PPP1R14C: variants seen among roughly 807,000 people sequenced by gnomAD.
PPP1R14C encodes the protein protein phosphatase 1 regulatory inhibitor subunit 14C.
PPP1R14C carries 16 observed loss-of-function variants against 20.4 expected under a neutral mutation model. The ratio of observed to expected loss-of-function variants is 0.78; its 90% CI spans 0.53 to 1.19. The LOEUF is 1.19. Ranked by LOEUF, PPP1R14C falls within the 50% of genes most tolerant of loss-of-function variation. The probability of loss-of-function intolerance (pLI) is 0.00; values close to 1 mark genes in which losing one functional copy is unlikely to be tolerated. For missense variants in PPP1R14C, 211 were observed against 220.1 expected (o/e 0.96, Z 0.26); for synonymous variants, 91 against 91.0 (o/e 1.00, Z 0.00).
intron 3 of PPP1R14C, among the ~76,000 whole-genome samples, chr6:150,229,678 G>A (rs904211785): frequency 6.6e-6 from 1 of 152,150 alleles, no homozygotes; most frequent in Non-Finnish European, 1.5e-5. Context: ...GTGGTTTTAA[G>A]TTAAAGGAGG....
intron 3 of PPP1R14C, among the ~76,000 whole-genome samples, chr6:150,235,153 T>C (rs1778343827): frequency 6.6e-6 from 1 of 152,208 alleles, no homozygotes; most frequent in African/African-American, 2.4e-5. Context: ...AGGAGCACGA[T>C]CATAGCTCAC....
intron 3 of PPP1R14C, among the ~76,000 whole-genome samples, chr6:150,224,009 C>T (rs1778200816): frequency 1.3e-5 from 2 of 152,158 alleles, no homozygotes; most frequent in Non-Finnish European, 2.9e-5. Context: ...ATGTGCGATC[C>T]ATTTGAGTTA....
chr6:150,235,945 G>T (rs1431056024), intron 3 of PPP1R14C, among the ~76,000 whole-genome samples: 2 of 152,126 alleles, frequency 1.3e-5, no homozygotes, highest in Non-Finnish European at 2.9e-5. Context: ...AAGGATTGTT[G>T]TGTTTATCAT....
At position 150,217,777 on chromosome 6, in the gene PPP1R14C, T is replaced by C. The variant is rs547712801; in HGVS notation, c.423+921T>C. The stretch of plus-strand genomic sequence containing the variant: ...TGGAGAAATTATAAGATCCGTCAGA[T>C]GTTTTGAAGTCTGTTTGTAACATCA... On this transcript the variant is annotated intron_variant, in intron 3 of 3. Coordinates refer to ENST00000361131, the MANE Select transcript of PPP1R14C (RefSeq NM_030949.3). Among the ~76,000 whole-genome samples, 7 of 152,304 alleles carry C rather than the reference T, an allele frequency of 4.6e-5. No homozygotes were observed. In the South Asian group the frequency reaches 1.5e-3, roughly 32 times the overall value.
chr6:150,201,413 G>C lies in PPP1R14C; in HGVS notation c.307-13331G>C, dbSNP rs1438982577. On this transcript the variant is annotated intron_variant, in intron 1 of 3. Transcript: ENST00000361131. The surrounding 1 kb of genome is among the most constrained non-coding windows in gnomAD (Gnocchi z 4.2). The stretch of plus-strand genomic sequence containing the variant: ...GATGGCTGACACGAGATAACAAGAA[G>C]AGTGTCCTACACATGCACCCAGCAC... 6.6e-6 allele frequency among the ~76,000 whole-genome samples: 1 copy of C among 152,220 alleles called. No individual in the cohort carries two copies. Among genetic ancestry groups the C allele is most frequent in the African/African-American group, 2.4e-5 (1 of 41,456 alleles).
intron 3 of PPP1R14C, among the ~76,000 whole-genome samples, chr6:150,229,326 G>A (rs1031401790): frequency 9.9e-5 from 15 of 152,110 alleles, no homozygotes; most frequent in Non-Finnish European, 1.8e-4. Context: ...TTTTAAAGTC[G>A]GAGATTATAA....
intron 1 of PPP1R14C, among the ~76,000 whole-genome samples, chr6:150,199,783 C>T (rs569312491): frequency 2.3e-4 from 35 of 151,700 alleles, no homozygotes; most frequent in African/African-American, 6.0e-4. Flanking sequence ...GCAGGAGGAT[C>T]GCTGGAGCCC....
intron 3 of PPP1R14C, among the ~76,000 whole-genome samples, chr6:150,246,602 T>C (rs1778495641): frequency 6.6e-6 from 1 of 152,238 alleles, no homozygotes; most frequent in Non-Finnish European, 1.5e-5. Flanking sequence ...CTGTACAAGT[T>C]CAGAAATGGT....
intron 3 of PPP1R14C, among the ~76,000 whole-genome samples, chr6:150,233,480 A>G (rs1325785050): frequency 6.6e-6 from 1 of 152,234 alleles, no homozygotes; most frequent in Non-Finnish European, 1.5e-5. Context: ...ATTGAAATAA[A>G]TGTGAGCTAT....
intron 1 of PPP1R14C, among the ~76,000 whole-genome samples, chr6:150,165,470 C>T (rs980090083): frequency 6.6e-6 from 1 of 152,220 alleles, no homozygotes; most frequent in Admixed American, 6.5e-5. Context: ...TGGTTGACCT[C>T]AGGTTGTCCA....
intron 1 of PPP1R14C, among the ~76,000 whole-genome samples, chr6:150,205,151 G>T (rs571967316): frequency 6.2e-4 from 95 of 152,196 alleles, no homozygotes; most frequent in African/African-American, 2.2e-3. Flanking sequence ...AACTTCCCTG[G>T]TGGGTGGGAA....
chr6:150,193,543 A>T (rs1777769587), intron 1 of PPP1R14C, among the ~76,000 whole-genome samples: 1 of 147,220 alleles, frequency 6.8e-6, no homozygotes, highest in Non-Finnish European at 1.5e-5. Context: ...AAATGAGAAG[A>T]TGGACTTGGC....
chr6:150,234,533 G>A (rs144947057), intron 3 of PPP1R14C, among the ~76,000 whole-genome samples: 26 of 152,282 alleles, frequency 1.7e-4, no homozygotes, highest in African/African-American at 6.3e-4. Context: ...TAGCTATACA[G>A]TAGAGTACTA....
At chr6:150,195,929 C>T in intron 1 of PPP1R14C, 1 of 985,434 alleles carries the variant, frequency 1.0e-6, no homozygotes, top group Non-Finnish European at 1.2e-6. Context: ...CTGAATGCCC[C>T]TTGCCCATCT....
chr6:150,202,362 A>G (rs1042907278), intron 1 of PPP1R14C, among the ~76,000 whole-genome samples: 1 of 152,150 alleles, frequency 6.6e-6, no homozygotes, highest in African/African-American at 2.4e-5. Context: ...GATCAAGCCC[A>G]CACCTCCTTG....
In PPP1R14C at chr6:150,153,039, A is replaced by G. The variant is rs573687812; in HGVS notation, c.306+9541A>G. ...ATGCAAGGGCACAGCGTGAAAGCACAGCAAGAAGATGGAAGACGGCCACCT... is the reference window on the plus strand; with the variant it reads ...ATGCAAGGGCACAGCGTGAAAGCACGGCAAGAAGATGGAAGACGGCCACCT... On this transcript the variant is annotated intron_variant, in intron 1 of 3. Coordinates refer to ENST00000361131, the MANE Select transcript of PPP1R14C (RefSeq NM_030949.3). Among the ~76,000 whole-genome samples the G allele has an allele frequency of 3.9e-5, 6 of 152,362 alleles. No homozygotes were observed. The South Asian group carries it at 1.2e-3, about 32-fold the overall frequency.
At chr6:150,167,965 T>TTTCTCCCCTTCTCTCCTCCCC (rs1777443854) in intron 1 of PPP1R14C, among the ~76,000 whole-genome samples, 3 of 4,040 alleles carry the variant, frequency 7.4e-4, no homozygotes, top group East Asian at 9.1e-3. Flanking sequence ...TCTCCTCCCC[T>TTTCTCCCCTTCTCTCCTCCCC]CTTTCTCTCC....
intron 3 of PPP1R14C, among the ~76,000 whole-genome samples, chr6:150,222,789 T>TTTG (rs1778185600): frequency 7.0e-6 from 1 of 142,468 alleles, no homozygotes; most frequent in African/African-American, 2.6e-5. Context: ...TTTTTTTTTT[T>TTTG]GTGGTGGGGT....
At chr6:150,189,353 A>G (rs1451381075) in intron 1 of PPP1R14C, among the ~76,000 whole-genome samples, 1 of 152,056 alleles carries the variant, frequency 6.6e-6, no homozygotes, top group Non-Finnish European at 1.5e-5. Context: ...TTCTTAATCT[A>G]TTTCTGTTGA....
Sources: allele counts gnomAD v4.1 joint callset (sites outside exome capture counted in the v4.1 genomes callset), GRCh38; gene constraint gnomAD v4.1.1; non-coding constraint Gnocchi (gnomAD v3.1); transcripts MANE v1.5; gene names NCBI Gene and HGNC (gene_info 2026-07-23, HGNC 2026-07-21).